The following LRP5 variants were observed in gnomAD, a reference collection of about 807,000 sequenced individuals.
The protein encoded by LRP5 is LDL receptor related protein 5.
A neutral mutation model predicts 154.1 loss-of-function variants in LRP5; 62 were observed. The observed-to-expected ratio is 0.40, with a 90% confidence interval of 0.33 to 0.50. The LOEUF is 0.50. LRP5 is among the 20% of genes least tolerant of loss of function. The pLI, the probability that LRP5 is intolerant of heterozygous loss-of-function variation, is 0.55. For synonymous variants in LRP5, 966 were observed against 1,011.5 expected (o/e 0.96, Z 0.85); for missense variants, 1,915 against 2,336.7 (o/e 0.82, Z 3.72).
At chr11:68,314,829 C>T (rs2098591896) in intron 1 of LRP5, among the ~76,000 whole-genome samples, 1 of 152,236 alleles carries the variant, frequency 6.6e-6, no homozygotes, top group Admixed American at 6.5e-5. Flanking sequence ...TGAGAGAGTC[C>T]CCTCCAAAGC....
At chr11:68,351,842 G>A (rs2098618888) in intron 2 of LRP5, among the ~76,000 whole-genome samples, 1 of 152,182 alleles carries the variant, frequency 6.6e-6, no homozygotes, top group Non-Finnish European at 1.5e-5. Context: ...AAGGCCTCTT[G>A]GTGACTTTTG....
chr11:68,424,567 C>T (rs911041964), intron 14 of LRP5, among the ~76,000 whole-genome samples: 1 of 152,230 alleles, frequency 6.6e-6, no homozygotes, highest in Non-Finnish European at 1.5e-5. Flanking sequence ...GGGGGGCCTG[C>T]ACCTGTTTCC....
At position 68,428,746 on chromosome 11, in the gene LRP5, T is replaced by A. The variant is rs2098670241; in HGVS notation, c.3638-829T>A. ...GATTCTAGGCCTTAAGACATGGGTG[T>A]ATCTTTCTGGGGGGCACTATCCAAC... On this transcript the variant is annotated intron_variant, in intron 16 of 22. Transcript: ENST00000294304. 2.1e-5 allele frequency among the ~76,000 whole-genome samples: 3 copies of A among 144,658 alleles called. No individual in the cohort carries two copies. The South Asian group carries it at 6.9e-4, about 33-fold the overall frequency. 94.9% of individuals were successfully genotyped at this position (144,658 alleles called of 152,430 possible). A position where few individuals can be genotyped will look rare whatever the true frequency, so the allele number is the denominator to read the frequency against.
chr11:68,409,099 C>CATAT (rs1211199856), intron 9 of LRP5, among the ~76,000 whole-genome samples: 1,248 of 92,578 alleles, frequency 0.013, 32 homozygotes, highest in East Asian at 0.062. Context: ...TATATATACA[C>CATAT]ACACATACAC....
intron 10 of LRP5, 146 bp from the exon 11 acceptor site, chr11:68,411,290 G>A (rs1394200064): frequency 1.5e-5 from 12 of 796,972 alleles, no homozygotes; most frequent in East Asian, 2.7e-5. Flanking sequence ...CGAGGGTCTC[G>A]CCCTTCCCTG....
chr11:68,320,089 A>T (rs766979525), intron 1 of LRP5, among the ~76,000 whole-genome samples: 4 of 152,190 alleles, frequency 2.6e-5, no homozygotes, highest in Non-Finnish European at 5.9e-5. Context: ...TGAGCTCAGG[A>T]GGTCAAGGCT....
chr11:68,433,249 A>C (rs535589769), intron 17 of LRP5, among the ~76,000 whole-genome samples: 2 of 152,368 alleles, frequency 1.3e-5, no homozygotes, highest in South Asian at 2.1e-4. Context: ...TGCTCCAGTC[A>C]GGGCTGAATT....
chr11:68,359,790 G>GTT (rs769629929), intron 3 of LRP5, among the ~76,000 whole-genome samples: 4 of 138,380 alleles, frequency 2.9e-5, no homozygotes, highest in African/African-American at 5.3e-5. Flanking sequence ...TTGTTTGTTT[G>GTT]TTTTTTTTTT....
At chr11:68,378,394 CAT>C (rs2153147894) in intron 5 of LRP5, among the ~76,000 whole-genome samples, 1 of 152,146 alleles carries the variant, frequency 6.6e-6, no homozygotes, top group African/African-American at 2.4e-5. Flanking sequence ...CCTGTCAACA[CAT>C]CTCAGACCCT....
chr11:68,426,268 C>T (rs927505500), intron 16 of LRP5, 81 bp downstream of exon 16: 2 of 1,216,926 alleles, frequency 1.6e-6, no homozygotes, highest in African/African-American at 3.0e-5. Flanking sequence ...AGTGCAAGAT[C>T]CTGTGTGGCC....
At chr11:68,323,052 C>CA (rs2098597633) in intron 1 of LRP5, among the ~76,000 whole-genome samples, 1 of 151,756 alleles carries the variant, frequency 6.6e-6, no homozygotes, top group Admixed American at 6.6e-5. Context: ...TTTAATCATG[C>CA]AAAAAAGGAA....
At position 68,425,339 on chromosome 11, in the gene LRP5, T is replaced by C. The variant is rs372109001; in HGVS notation, c.3427+47T>C. On this transcript the variant is annotated intron_variant, in intron 15 of 22. Coordinates refer to ENST00000294304, the MANE Select transcript of LRP5 (RefSeq NM_002335.4). ...CTAACCGCAGACACCCGGCCTTCAT[T>C]GTCAGTAATGGCAGCAGCTGCCACA... The C allele has an allele frequency of 6.4e-6, 10 of 1,557,420 alleles. No individual in the cohort carries two copies. In the African/African-American group the frequency reaches 1.2e-4, roughly 19 times the overall value.
chr11:68,386,590 C>A lies in LRP5; in HGVS notation c.1290C>A (p.Leu430=), dbSNP rs1401089556. 6.2e-7 allele frequency: 1 copy of A among 1,613,842 alleles called. No homozygotes were observed. The highest frequency in any genetic ancestry group is 8.5e-7 in the Non-Finnish European group (1 of 1,179,956). Residue 430 remains leucine (L), a synonymous_variant, in exon 6 of 23, where the codon CTC becomes CTA. Coordinates refer to ENST00000294304, the MANE Select transcript of LRP5 (RefSeq NM_002335.4). This position sits in a 1 kb window ranked among gnomAD's most constrained non-coding sequence, Gnocchi z 7.9. Reference sequence around the variant, plus strand: ...CGGTCGACTGGGTGGCCCGAAACCTCTACTGGACCGACACGGGCACGGACC... The same window carrying A: ...CGGTCGACTGGGTGGCCCGAAACCTATACTGGACCGACACGGGCACGGACC... The part of the protein sequence containing the change: ...GIAVDWVARN[L]YWTDTGTDRI...
At chr11:68,414,218 A>C (rs540157171) in intron 12 of LRP5, among the ~76,000 whole-genome samples, 2 of 152,170 alleles carry the variant, frequency 1.3e-5, no homozygotes, top group Non-Finnish European at 2.9e-5. Context: ...ACATAGATAA[A>C]TGGCCAAAAC....
chr11:68,370,793 G>T (rs118133447), intron 5 of LRP5, among the ~76,000 whole-genome samples: 4 of 152,206 alleles, frequency 2.6e-5, no homozygotes, highest in African/African-American at 9.7e-5. Flanking sequence ...GAGACTCTGG[G>T]CCGGGAACGT....
chr11:68,394,380 AG>A (rs1491556348), intron 7 of LRP5, among the ~76,000 whole-genome samples: 1 of 152,096 alleles, frequency 6.6e-6, no homozygotes, highest in Non-Finnish European at 1.5e-5. Flanking sequence ...GTCCAGGAAC[AG>A]GGGGGTCGCA....
chr11:68,441,961 G>C (rs933491090), intron 21 of LRP5, among the ~76,000 whole-genome samples: 2 of 152,208 alleles, frequency 1.3e-5, no homozygotes, highest in Non-Finnish European at 2.9e-5. Context: ...AAAAGATACA[G>C]AAGAGTCTGC....
intron 1 of LRP5, among the ~76,000 whole-genome samples, chr11:68,317,147 C>T (rs2098593897): frequency 6.6e-6 from 1 of 152,226 alleles, no homozygotes; most frequent in East Asian, 1.9e-4. Context: ...ACGAGCCGGC[C>T]TCAGGGACCC....
chr11:68,405,846 G>A (rs1202925422), intron 8 of LRP5, among the ~76,000 whole-genome samples: 13 of 152,234 alleles, frequency 8.5e-5, no homozygotes, highest in Non-Finnish European at 1.5e-5. Context: ...TGCTGGGAAT[G>A]TCTGTGAATC....
Sources: gnomAD v4.1 joint callset for allele counts (sites outside exome capture counted in the v4.1 genomes callset) on GRCh38, gnomAD v4.1.1 for gene constraint, Gnocchi (gnomAD v3.1) non-coding constraint, MANE v1.5 for transcripts, NCBI Gene and HGNC (gene_info 2026-07-23, HGNC 2026-07-21) for gene names.